The following RAI14 variants were observed in gnomAD, a reference collection of about 807,000 sequenced individuals.
RAI14 encodes retinoic acid induced 14, also known as ankycorbin.
Under a neutral mutation model 115.4 loss-of-function variants are expected in RAI14, and 45 were observed. The ratio of observed to expected loss-of-function variants is 0.39; its 90% CI spans 0.31 to 0.50. The LOEUF is 0.50. Among genes scored for constraint, RAI14 ranks in the 20% least tolerant of loss-of-function variants. The pLI is 0.85. For missense variants in RAI14, 939 were observed against 1,131.2 expected (o/e 0.83, Z 2.44); for synonymous variants, 371 against 415.4 (o/e 0.89, Z 1.30).
intron 3 of RAI14, among the ~76,000 whole-genome samples, chr5:34,787,716 G>T (rs889664444): frequency 6.6e-6 from 1 of 151,850 alleles, no homozygotes; most frequent in African/African-American, 2.4e-5. Flanking sequence ...CAACTTAATT[G>T]TGCATTTTTA....
chr5:34,803,061 A>G (rs1311382402), intron 4 of RAI14, among the ~76,000 whole-genome samples: 1 of 152,128 alleles, frequency 6.6e-6, no homozygotes, highest in African/African-American at 2.4e-5. Context: ...CATGGCTCTT[A>G]TAGACACAGG....
At chr5:34,755,223 G>T (rs577554862) in intron 2 of RAI14, among the ~76,000 whole-genome samples, 1 of 152,234 alleles carries the variant, frequency 6.6e-6, no homozygotes, top group African/African-American at 2.4e-5. Flanking sequence ...AAATGATGGT[G>T]TGAGGAACGC....
At position 34,822,273 on chromosome 5, in the gene RAI14, T is replaced by A. The variant is rs566781051; in HGVS notation, c.1113+423T>A. Among the ~76,000 whole-genome samples, 244 of 146,260 alleles carry A rather than the reference T, an allele frequency of 1.7e-3. 1 individual carries two copies. Among genetic ancestry groups the A allele is most frequent in the African/African-American group, 5.7e-3 (228 of 40,242 alleles). ...ATGTATATATATATATATATATATA[T>A]AAAATATTATCCATTTAGTAAAGTT... On this transcript the variant is annotated intron_variant, in intron 14 of 17. Coordinates refer to ENST00000265109, the MANE Select transcript of RAI14 (RefSeq NM_015577.3).
intron 2 of RAI14, among the ~76,000 whole-genome samples, chr5:34,732,138 T>A (rs1439085619): frequency 6.6e-6 from 1 of 152,146 alleles, no homozygotes; most frequent in African/African-American, 2.4e-5. Context: ...TGGGCATGCC[T>A]AGGGACAATC....
intron 11 of RAI14, among the ~76,000 whole-genome samples, chr5:34,814,261 G>A (rs575026340): frequency 6.6e-6 from 1 of 152,264 alleles, no homozygotes; most frequent in East Asian, 1.9e-4. Flanking sequence ...TTAAATAGTA[G>A]AGAGGAATAG....
At chr5:34,789,192 C>T (rs1451189567) in intron 3 of RAI14, among the ~76,000 whole-genome samples, 1 of 152,188 alleles carries the variant, frequency 6.6e-6, no homozygotes, top group African/African-American at 2.4e-5. Context: ...TGCCTTCCTG[C>T]CTGCCATCTA....
intron 2 of RAI14, among the ~76,000 whole-genome samples, chr5:34,734,117 C>A (rs1488126901): frequency 2.0e-5 from 3 of 152,264 alleles, no homozygotes; most frequent in Admixed American, 6.5e-5. Context: ...CAGCAACCTA[C>A]TGCCTTAGCA....
chr5:34,723,273 A>AT (rs1017819961), intron 2 of RAI14, among the ~76,000 whole-genome samples: 13 of 152,252 alleles, frequency 8.5e-5, no homozygotes, highest in South Asian at 6.2e-4. Context: ...AGAAAAAAAA[A>AT]GGAGATTGAT....
At position 34,806,416 on chromosome 5, in the gene RAI14, G is replaced by T. The variant is rs182496226; in HGVS notation, c.322-1384G>T. On this transcript the variant is annotated intron_variant, in intron 5 of 17. Transcript: ENST00000265109. ...TAAAAGAGAATTCTGTTTCTTTAGA[G>T]AATTGATAAAAAGGGGAAAAATGCA... 6.7e-3 allele frequency among the ~76,000 whole-genome samples: 1,027 copies of T among 152,312 alleles called. 6 individuals carry two copies. The highest frequency in any genetic ancestry group is 0.01 in the Admixed American group (157 of 15,304).
At chr5:34,773,364 G>T (rs979897314) in intron 3 of RAI14, among the ~76,000 whole-genome samples, 2 of 152,150 alleles carry the variant, frequency 1.3e-5, no homozygotes, top group Non-Finnish European at 2.9e-5. Flanking sequence ...AGATTTCATT[G>T]CTAAGACCTC....
intron 13 of RAI14, among the ~76,000 whole-genome samples, chr5:34,820,529 T>C (rs1328625810): frequency 6.6e-6 from 1 of 152,218 alleles, no homozygotes; most frequent in Non-Finnish European, 1.5e-5. Flanking sequence ...GGAGAATTGC[T>C]TGAATCTGGG....
At chr5:34,722,396 A>G (rs910624421) in intron 2 of RAI14, among the ~76,000 whole-genome samples, 5 of 151,814 alleles carry the variant, frequency 3.3e-5, no homozygotes, top group African/African-American at 1.2e-4. Flanking sequence ...AGGTCCCAGG[A>G]GACATCAGCC....
At chr5:34,708,732 C>T (rs1375117737) in intron 2 of RAI14, among the ~76,000 whole-genome samples, 1 of 151,956 alleles carries the variant, frequency 6.6e-6, no homozygotes, top group Non-Finnish European at 1.5e-5. Flanking sequence ...GTTAAAAAAC[C>T]GTGATAAAAT....
chr5:34,783,141 A>G (rs945826262), intron 3 of RAI14, among the ~76,000 whole-genome samples: 2 of 152,250 alleles, frequency 1.3e-5, no homozygotes, highest in Non-Finnish European at 2.9e-5. Context: ...AGCCCTTGCT[A>G]AAGGAATACT....
At chr5:34,794,225 C>G (rs1370474521) in intron 3 of RAI14, among the ~76,000 whole-genome samples, 1 of 151,916 alleles carries the variant, frequency 6.6e-6, no homozygotes, top group African/African-American at 2.4e-5. Context: ...GAGTTTGAGA[C>G]CAGCCTGGGT....
At chr5:34,790,849 T>G (rs191301833) in intron 3 of RAI14, among the ~76,000 whole-genome samples, 8 of 151,806 alleles carry the variant, frequency 5.3e-5, no homozygotes, top group African/African-American at 1.7e-4. Flanking sequence ...AGAACCCTCA[T>G]TATTACACAG....
At chr5:34,672,307 C>A (rs1383694154) in intron 1 of RAI14, among the ~76,000 whole-genome samples, 1 of 152,070 alleles carries the variant, frequency 6.6e-6, no homozygotes, top group Admixed American at 6.5e-5. Context: ...ATTGTAAGTT[C>A]TTGAGTAGCC....
At chr5:34,695,521 A>T (rs1365931868) in intron 2 of RAI14, among the ~76,000 whole-genome samples, 1 of 152,204 alleles carries the variant, frequency 6.6e-6, no homozygotes, top group Non-Finnish European at 1.5e-5. Context: ...GTGCTAGTCC[A>T]AACTGAGGTG....
At chr5:34,783,149 A>T (rs1341041231) in intron 3 of RAI14, among the ~76,000 whole-genome samples, 2 of 152,250 alleles carry the variant, frequency 1.3e-5, no homozygotes, top group African/African-American at 2.4e-5. Context: ...CTAAAGGAAT[A>T]CTCAAGGCAG....
Sources: gnomAD v4.1 joint callset for allele counts (sites outside exome capture counted in the v4.1 genomes callset) on GRCh38, gnomAD v4.1.1 for gene constraint, MANE v1.5 for transcripts, NCBI Gene and HGNC (gene_info 2026-07-23, HGNC 2026-07-21) for gene names.